Variants in GORAB observed in about 807,000 individuals in gnomAD.
GORAB encodes the protein RAB6-interacting golgin.
GORAB carries 17 observed loss-of-function variants against 29.9 expected under a neutral mutation model. That is an observed-to-expected ratio of 0.57 (90% CI 0.39 to 0.85). The LOEUF (loss-of-function observed/expected upper bound fraction) is 0.85. GORAB is among the 40% of genes least tolerant of loss of function. The probability of loss-of-function intolerance (pLI) is 0.00; values close to 1 mark genes in which losing one functional copy is unlikely to be tolerated. For synonymous variants in GORAB, 183 were observed against 157.2 expected (o/e 1.16, Z -1.23); for missense variants, 442 against 437.8 (o/e 1.01, Z -0.09).
chr1:170,543,057 C>T (rs942211873), intron 3 of GORAB, among the ~76,000 whole-genome samples: 2 of 152,140 alleles, frequency 1.3e-5, no homozygotes, highest in African/African-American at 4.8e-5. Context: ...TTTGCCCCGC[C>T]TCCACAAGTA....
In GORAB at chr1:170,552,346, C is replaced by T. The variant is rs762009049; in HGVS notation, c.994C>T (p.Gln332Ter). 1 of 1,614,120 alleles carries T rather than the reference C, an allele frequency of 6.2e-7. No individual in the cohort carries two copies. The highest frequency in any genetic ancestry group is 8.5e-7 in the Non-Finnish European group (1 of 1,179,962). The change falls in exon 5 of 5, where the codon CAA becomes TAA. Residue 332 changes from glutamine to a stop codon, truncating the protein, a stop_gained. Transcript: ENST00000367763. LOFTEE classifies it low-confidence loss of function (END_TRUNC). The stretch of plus-strand genomic sequence containing the variant: ...TAAAGAGAACAGAAAGTGTCAAGAA[C>T]AAGCTGTTTCCCCAAAGGTAGATGA... Reference protein sequence around the residue: ...FAKENRKCQEQAVSPKVDDQC... With the variant: ...FAKENRKCQE
At chr1:170,545,758 G>C (rs1649718541) in intron 4 of GORAB, 1 of 984,540 alleles carries the variant, frequency 1.0e-6, no homozygotes, top group Non-Finnish European at 1.2e-6. Flanking sequence ...GCTTGATTGT[G>C]GTTTTTAATA....
intron 3 of GORAB, 76 bp from the exon 4 acceptor site, chr1:170,544,629 T>C: frequency 7.9e-7 from 1 of 1,272,012 alleles, no homozygotes; most frequent in Non-Finnish European, 1.1e-6. Flanking sequence ...AGTATCTTGC[T>C]TTTTCACTTA....
At chr1:170,541,203 C>CA (rs67384213) in intron 2 of GORAB, among the ~76,000 whole-genome samples, 30,779 of 46,684 alleles carry the variant, frequency 0.66, 8,648 homozygotes, top group South Asian at 0.87. Context: ...GATTCTGTCC[C>CA]AAAAAAAAAA....
intron 4 of GORAB, among the ~76,000 whole-genome samples, chr1:170,548,628 G>A (rs952569195): frequency 4.6e-5 from 7 of 152,282 alleles, no homozygotes; most frequent in African/African-American, 1.7e-4. Context: ...ATACTTTCTG[G>A]AGGTGACATG....
rs1045369052 is a variant in GORAB at position 170,545,036 on chromosome 1, T to C, written c.662+191T>C. The C allele has an allele frequency of 4.6e-6, 6 of 1,307,892 alleles. No individual in the cohort carries two copies. In the African/African-American group the frequency reaches 7.4e-5, roughly 16 times the overall value. 81.0% of individuals were successfully genotyped at this position (1,307,892 alleles called of 1,614,324 possible). ...GAAGTCTTCCTTAACTCTGCCCTAC[T>C]AGTTAACCTTGTTCGTGTGCCATTA... On this transcript the variant is annotated intron_variant, in intron 4 of 4. Transcript: ENST00000367763.
chr1:170,537,226 C>T (rs1488902614), intron 1 of GORAB, among the ~76,000 whole-genome samples: 1 of 152,092 alleles, frequency 6.6e-6, no homozygotes, highest in East Asian at 1.9e-4. Context: ...ATTTGCTAAG[C>T]CAGCTATACC....
chr1:170,545,185 G>C, intron 4 of GORAB: 1 of 1,014,236 alleles, frequency 9.9e-7, no homozygotes, highest in East Asian at 8.9e-5. Context: ...GAGTGGTTTC[G>C]CCAAAACTGT....
chr1:170,535,026 C>T (rs1480096924), intron 1 of GORAB, among the ~76,000 whole-genome samples: 5 of 152,234 alleles, frequency 3.3e-5, no homozygotes, highest in Admixed American at 3.3e-4. Context: ...GTGGGTTTGG[C>T]AGGTGACTGT....
At chr1:170,536,020 AT>A (rs1481006270) in intron 1 of GORAB, among the ~76,000 whole-genome samples, 1 of 152,040 alleles carries the variant, frequency 6.6e-6, no homozygotes, top group Admixed American at 6.6e-5. Flanking sequence ...AATTTTAATA[AT>A]TTTACCAAAT....
At position 170,552,300 on chromosome 1, in the gene GORAB, G is replaced by C. The variant is rs1558012653; in HGVS notation, c.948G>C (p.Glu316Asp). The change falls in exon 5 of 5, where the codon GAG (glutamate) becomes GAC (aspartate). Residue 316 changes from glutamate to aspartate, a missense_variant. By Grantham distance (45) the Glu-to-Asp change is conservative. Transcript: ENST00000367763. Reference protein sequence around the residue: ...RLERPFQPAEESVTLEFAKEN... With the variant: ...RLERPFQPAEDSVTLEFAKEN... ...AGAGGCCATTTCAGCCTGCGGAGGA[G>C]AGTGTGACATTAGAATTTGCTAAAG... 6.2e-7 allele frequency: 1 copy of C among 1,614,160 alleles called. No homozygotes were observed. The highest frequency in any genetic ancestry group is 2.2e-5 in the East Asian group (1 of 44,884).
chr1:170,547,468 T>C (rs905034221), intron 4 of GORAB, among the ~76,000 whole-genome samples: 24 of 152,040 alleles, frequency 1.6e-4, no homozygotes, highest in African/African-American at 5.1e-4. Context: ...CTACTGCTAC[T>C]GTTCACCACT....
chr1:170,552,515 C>T lies in GORAB; in HGVS notation c.*53C>T, dbSNP rs1186776546. ...GGTATTGAGTAAAGTATACTTTTTG[C>T]AGTAGATCATGCCCTGACCTCCAAT... On this transcript the variant is annotated 3_prime_UTR_variant, in exon 5 of 5. Coordinates refer to ENST00000367763, the MANE Select transcript of GORAB (RefSeq NM_152281.3). 1.4e-6 allele frequency: 2 copies of T among 1,418,272 alleles called. No homozygotes were observed. Among genetic ancestry groups the T allele is most frequent in the Non-Finnish European group, 2.0e-6 (2 of 1,006,542 alleles). The allele number at this position is 1,418,272 out of a possible 1,614,324, so 87.9% of individuals were successfully genotyped here. A position where few individuals can be genotyped will look rare whatever the true frequency, so the allele number is the denominator to read the frequency against.
chr1:170,535,361 G>T (rs1180650287), intron 1 of GORAB, among the ~76,000 whole-genome samples: 1 of 152,114 alleles, frequency 6.6e-6, no homozygotes, highest in Non-Finnish European at 1.5e-5. Flanking sequence ...GCATATATTT[G>T]ATGTATGGTC....
intron 4 of GORAB, among the ~76,000 whole-genome samples, chr1:170,546,641 A>T (rs567875671): frequency 1.3e-5 from 2 of 152,178 alleles, no homozygotes; most frequent in East Asian, 3.9e-4. Flanking sequence ...ACTAATATTG[A>T]TGTAGTTGAA....
At chr1:170,543,153 C>T (rs1649540230) in intron 3 of GORAB, among the ~76,000 whole-genome samples, 1 of 152,118 alleles carries the variant, frequency 6.6e-6, no homozygotes, top group South Asian at 2.1e-4. Flanking sequence ...TTTCTTTCAC[C>T]TTCCAGTGTC....
chr1:170,532,361 AGG>A lies in GORAB; in HGVS notation c.61+81_61+82del. 8.7e-6 allele frequency: 13 copies of A among 1,498,278 alleles called. No homozygotes were observed. In the South Asian group the frequency reaches 1.5e-4, roughly 17 times the overall value. The allele number at this position is 1,498,278 out of a possible 1,614,324, so 92.8% of individuals were successfully genotyped here. A position where few individuals can be genotyped will look rare whatever the true frequency, so the allele number is the denominator to read the frequency against. Reference sequence around the variant, plus strand: ...GCGGGGATGCAGCTTTGGCGGGGAAAGGGGGCGTGGAAGCGGCTACGTTTGTG... The same window carrying A: ...GCGGGGATGCAGCTTTGGCGGGGAAAGGGCGTGGAAGCGGCTACGTTTGTG... On this transcript the variant is annotated intron_variant, in intron 1 of 4. Coordinates refer to ENST00000367763, the MANE Select transcript of GORAB (RefSeq NM_152281.3).
intron 4 of GORAB, among the ~76,000 whole-genome samples, chr1:170,550,062 T>A (rs1650016935): frequency 3.3e-5 from 5 of 152,218 alleles, no homozygotes. Context: ...CTTAAGTAAC[T>A]GCTCAGAGTC....
chr1:170,538,438 A>C (rs567491929), intron 1 of GORAB, among the ~76,000 whole-genome samples: 1 of 152,170 alleles, frequency 6.6e-6, no homozygotes, highest in African/African-American at 2.4e-5. Flanking sequence ...AGATTCTCCA[A>C]TTGTCTGCCC....
Sources: gnomAD v4.1 joint callset for allele counts (sites outside exome capture counted in the v4.1 genomes callset) on GRCh38, gnomAD v4.1.1 for gene constraint, MANE v1.5 for transcripts, NCBI Gene and HGNC (gene_info 2026-07-23, HGNC 2026-07-21) for gene names.